FBXL20: variants seen among roughly 807,000 people sequenced by gnomAD.
The protein encoded by FBXL20 is F-box/LRR-repeat protein 20.
In FBXL20, 11 loss-of-function variants were observed where a neutral mutation model predicts 64.0. That is an observed-to-expected ratio of 0.17 (90% CI 0.11 to 0.28). The LOEUF (loss-of-function observed/expected upper bound fraction) is 0.28, where lower values mean the gene tolerates loss of function less well. Ranked by LOEUF, FBXL20 falls within the 10% of genes least tolerant of loss-of-function variation. The probability of loss-of-function intolerance (pLI) is 1.00; values close to 1 mark genes in which losing one functional copy is unlikely to be tolerated. For synonymous variants in FBXL20, 184 were observed against 189.0 expected (o/e 0.97, Z 0.22); for missense variants, 303 against 526.2 (o/e 0.58, Z 4.15).
intron 1 of FBXL20, among the ~76,000 whole-genome samples, chr17:39,387,618 T>C (rs2048095366): frequency 6.8e-6 from 1 of 147,116 alleles, no homozygotes; most frequent in Non-Finnish European, 1.5e-5. Flanking sequence ...CACTCTGTCT[T>C]CCAGGCTGGA....
chr17:39,352,102 C>T (rs1451149589), intron 1 of FBXL20, among the ~76,000 whole-genome samples: 2 of 152,132 alleles, frequency 1.3e-5, no homozygotes, highest in Non-Finnish European at 2.9e-5. Flanking sequence ...CTCAGTTTGA[C>T]ACATTTGAGG....
chr17:39,289,947 T>C (rs1244163125), intron 6 of FBXL20, among the ~76,000 whole-genome samples: 1 of 129,472 alleles, frequency 7.7e-6, no homozygotes, highest in Non-Finnish European at 1.5e-5. Context: ...TGCAGTTAGC[T>C]GAGACTGTGC....
intron 1 of FBXL20, among the ~76,000 whole-genome samples, chr17:39,353,361 C>G (rs535232088): frequency 1.5e-4 from 23 of 152,228 alleles, no homozygotes; most frequent in Non-Finnish European, 2.6e-4. Flanking sequence ...AGTCTGAAAA[C>G]AGGTTAGTAA....
At chr17:39,387,450 T>C (rs1358665801) in intron 1 of FBXL20, among the ~76,000 whole-genome samples, 1 of 152,086 alleles carries the variant, frequency 6.6e-6, no homozygotes, top group Non-Finnish European at 1.5e-5. Flanking sequence ...TGGCTAATTT[T>C]TGTATTTTAG....
intron 2 of FBXL20, among the ~76,000 whole-genome samples, chr17:39,307,040 CA>C (rs1292219781): frequency 2.0e-5 from 3 of 152,002 alleles, no homozygotes; most frequent in African/African-American, 7.3e-5. Flanking sequence ...TAGGTGGATA[CA>C]AAAGGGGGAA....
chr17:39,287,935 T>C (rs1220776563), intron 6 of FBXL20, among the ~76,000 whole-genome samples: 1 of 152,060 alleles, frequency 6.6e-6, no homozygotes, highest in Non-Finnish European at 1.5e-5. Context: ...TGGAATTGCA[T>C]TGTGGTTTTA....
At chr17:39,394,278 CTTTTTT>C (rs529406292) in intron 1 of FBXL20, among the ~76,000 whole-genome samples, 1 of 134,294 alleles carries the variant, frequency 7.4e-6, no homozygotes, top group Non-Finnish European at 1.6e-5. Context: ...ATTACTGAAA[CTTTTTT>C]TTTTTTTTTT....
At chr17:39,305,930 T>C (rs991469023) in intron 2 of FBXL20, among the ~76,000 whole-genome samples, 12 of 151,254 alleles carry the variant, frequency 7.9e-5, no homozygotes, top group African/African-American at 2.9e-4. Context: ...GAGGTTGCAG[T>C]GAGCCGAGAT....
intron 1 of FBXL20, among the ~76,000 whole-genome samples, chr17:39,358,501 G>T (rs1473494825): frequency 2.6e-5 from 4 of 151,952 alleles, no homozygotes; most frequent in Admixed American, 6.6e-5. Context: ...TGGCCAACAT[G>T]GCGAAACCCT....
In FBXL20 at chr17:39,339,065, G is replaced by A. The variant is rs952629821; in HGVS notation, c.104+4115C>T. On this transcript the variant is annotated intron_variant, in intron 2 of 14. Transcript: ENST00000264658. ...CACCTGTAGCCCCAGCCACTCAGGA[G>A]GACGAGGCAGGAGAATCGCTTGAAC... Among the ~76,000 whole-genome samples, 4 of 150,746 alleles carry A rather than the reference G, an allele frequency of 2.7e-5. No homozygotes were observed. In the Admixed American group the frequency reaches 2.7e-4, roughly 10 times the overall value.
chr17:39,383,030 G>C (rs1383172103), intron 1 of FBXL20, among the ~76,000 whole-genome samples: 2 of 151,316 alleles, frequency 1.3e-5, no homozygotes, highest in Non-Finnish European at 2.9e-5. Context: ...TTGCATGGTG[G>C]CGTGCACCTG....
chr17:39,291,363 AGGGAG>A, intron 6 of FBXL20, among the ~76,000 whole-genome samples: 1 of 146,656 alleles, frequency 6.8e-6, no homozygotes, highest in South Asian at 2.2e-4. Context: ...GTAGGGAGGG[AGGGAG>A]GAGAGAGGAG....
intron 5 of FBXL20, chr17:39,297,406 G>T: frequency 2.8e-6 from 1 of 353,040 alleles, no homozygotes; most frequent in Non-Finnish European, 5.1e-6. Context: ...AGTATCTTTT[G>T]TTACAGGTTG....
At chr17:39,341,688 T>A (rs2047584467) in intron 2 of FBXL20, among the ~76,000 whole-genome samples, 1 of 152,204 alleles carries the variant, frequency 6.6e-6, no homozygotes, top group Admixed American at 6.5e-5. Context: ...GGAATCTAAG[T>A]AGAAATGTAA....
intron 14 of FBXL20, among the ~76,000 whole-genome samples, chr17:39,263,479 C>T (rs1424818974): frequency 6.6e-6 from 1 of 152,168 alleles, no homozygotes; most frequent in Non-Finnish European, 1.5e-5. Context: ...CGAGCCACTG[C>T]ACTCCAGCCT....
intron 1 of FBXL20, 76 bp from the exon 2 acceptor site, chr17:39,343,317 C>T (rs867311249): frequency 2.0e-6 from 2 of 1,023,732 alleles, no homozygotes; most frequent in East Asian, 5.5e-5. Context: ...AGTTTAGAGG[C>T]AATTCTCTCA....
At chr17:39,345,644 G>A (rs953369880) in intron 1 of FBXL20, among the ~76,000 whole-genome samples, 1 of 152,004 alleles carries the variant, frequency 6.6e-6, no homozygotes, top group East Asian at 1.9e-4. Context: ...GGGTTCAAGC[G>A]ATTCTCCTGC....
Position 39,264,335 on chromosome 17 carries a change from T to C in FBXL20, c.1043A>G (p.Asn348Ser). 1 of 1,614,054 alleles carries C rather than the reference T, an allele frequency of 6.2e-7. No individual in the cohort carries two copies. Among genetic ancestry groups the C allele is most frequent in the Non-Finnish European group, 8.5e-7 (1 of 1,180,024 alleles). Residue 348 changes from asparagine (N) to serine (S), a missense_variant, in exon 14 of 15, where the codon AAT becomes AGT. Physicochemically the swap from Asn to Ser is conservative, Grantham distance 46 (BLOSUM62 1). This residue lies in a region of FBXL20 where 246 missense variants were observed against 422.6 expected (regional missense o/e 0.58). Transcript: ENST00000264658. ...ITDDGIRHLGNGACAHDQLEV... is the reference protein window; with the variant it reads ...ITDDGIRHLGSGACAHDQLEV... ...CAGCTGGTCATGGGCGCAGGCCCCA[T>C]TCCCCAGGTGACGAATTCCATCATC...
chr17:39,278,391 C>G (rs1202275483), intron 9 of FBXL20, among the ~76,000 whole-genome samples: 1 of 151,980 alleles, frequency 6.6e-6, no homozygotes, highest in Non-Finnish European at 1.5e-5. Context: ...GGTGATTCAC[C>G]CGCCTTGGCC....
Sources: gnomAD v4.1 joint callset for allele counts (sites outside exome capture counted in the v4.1 genomes callset) on GRCh38, gnomAD v4.1.1 for gene constraint, gnomAD v4.1.1 regional missense constraint, MANE v1.5 for transcripts, NCBI Gene and HGNC (gene_info 2026-07-23, HGNC 2026-07-21) for gene names.